The following PCDH15 variants were observed in gnomAD, a reference collection of about 807,000 sequenced individuals.
The protein encoded by PCDH15 is protocadherin related 15.
A neutral mutation model predicts 178.5 loss-of-function variants in PCDH15; 129 were observed. The ratio of observed to expected loss-of-function variants is 0.72; its 90% CI spans 0.63 to 0.84. The LOEUF is 0.84. Ranked by LOEUF, PCDH15 falls within the 40% of genes least tolerant of loss-of-function variation. PCDH15 has a pLI of 0.00. For missense variants in PCDH15, 2,230 were observed against 2,099.9 expected, an observed-to-expected ratio of 1.06 and a Z score of -1.21; for synonymous variants, 800 against 732.0, an observed-to-expected ratio of 1.09 and a Z score of -1.50.
intron 8 of PCDH15, among the ~76,000 whole-genome samples, chr10:54,247,844 G>A (rs1031079763): frequency 1.3e-5 from 2 of 148,546 alleles, no homozygotes; most frequent in African/African-American, 5.0e-5. Context: ...CTCCAGCCTG[G>A]GTGACAGAGC....
intron 15 of PCDH15, among the ~76,000 whole-genome samples, chr10:54,099,513 A>AAAAAATATAT (rs1347306483): frequency 3.1e-4 from 37 of 117,886 alleles, no homozygotes; most frequent in African/African-American, 5.7e-4. Flanking sequence ...AAAAAAAAAA[A>AAAAAATATAT]ATATATATAT....
Position 54,153,235 on chromosome 10 carries a change from A to G in PCDH15, c.1649T>C (p.Val550Ala). 3 of 1,613,862 alleles carry G rather than the reference A, an allele frequency of 1.9e-6. No homozygotes were observed. The highest frequency in any genetic ancestry group is 1.7e-5 in the Admixed American group (1 of 59,984). The change falls in exon 14 of 38, where the codon GTT (valine) becomes GCT (alanine). Residue 550 changes from valine to alanine, a missense_variant. Coordinates refer to ENST00000644397, the MANE Select transcript of PCDH15 (RefSeq NM_001384140.1). ...SNGEITYEIL[V>A]GAQGDFIINK... ...GATGATGAAGTCTCCCTGAGCCCCA[A>G]CAAGGATTTCATATGTGATCTCCCC...
At chr10:54,605,732 T>G (rs1424311102) in intron 2 of PCDH15, 3 of 152,122 alleles carry the variant, frequency 2.0e-5, no homozygotes, top group African/African-American at 7.2e-5. Context: ...TGAACTGAGC[T>G]GGGGAAAAGA....
At chr10:54,851,046 T>C (rs552774361) in intron 3 of PCDH15, among the ~76,000 whole-genome samples, 32 of 152,322 alleles carry the variant, frequency 2.1e-4, no homozygotes, top group Non-Finnish European at 4.3e-4. Flanking sequence ...TTAGTTTATA[T>C]GCTGATCATA....
chr10:55,054,411 T>G (rs539459328), intron 2 of PCDH15, among the ~76,000 whole-genome samples: 1 of 152,312 alleles, frequency 6.6e-6, no homozygotes, highest in African/African-American at 2.4e-5. Flanking sequence ...CCATATTTTC[T>G]TTTTTGAATC....
intron 2 of PCDH15, among the ~76,000 whole-genome samples, chr10:55,099,377 T>G (rs981966425): frequency 6.6e-6 from 1 of 152,062 alleles, no homozygotes; most frequent in African/African-American, 2.4e-5. Context: ...TTGACTATCA[T>G]AAGCTGCTAC....
chr10:53,822,052 GT>G, intron 32 of PCDH15: 1 of 1,614,014 alleles, frequency 6.2e-7, no homozygotes, highest in Non-Finnish European at 8.5e-7. Flanking sequence ...GATTTTTCAA[GT>G]TCTGCTAAGT....
At chr10:54,529,925 C>T (rs2083739828) in intron 2 of PCDH15, among the ~76,000 whole-genome samples, 1 of 152,020 alleles carries the variant, frequency 6.6e-6, no homozygotes, top group African/African-American at 2.4e-5. Flanking sequence ...TATACACACA[C>T]TCATGTCACT....
At chr10:54,249,819 A>G (rs1002259984) in intron 8 of PCDH15, among the ~76,000 whole-genome samples, 15 of 152,132 alleles carry the variant, frequency 9.9e-5, no homozygotes. Context: ...AAGACTTAAT[A>G]CTCACCAAAT....
chr10:55,416,407 T>C (rs1473912943), intron 2 of PCDH15, among the ~76,000 whole-genome samples: 1 of 151,790 alleles, frequency 6.6e-6, no homozygotes, highest in Non-Finnish European at 1.5e-5. Context: ...AATGAAAGTG[T>C]TTTCATTTTT....
At chr10:54,436,030 AG>A (rs1554969673) in intron 3 of PCDH15, among the ~76,000 whole-genome samples, 230 of 17,552 alleles carry the variant, frequency 0.013, 2 homozygotes, top group Non-Finnish European at 0.024. Flanking sequence ...AGGAGAGGAG[AG>A]GAGAGAGAGA....
upstream of PCDH15, among the ~76,000 whole-genome samples, chr10:55,322,761 A>T (rs1843931151): frequency 6.6e-6 from 1 of 150,384 alleles, no homozygotes; most frequent in Admixed American, 6.6e-5. Context: ...GAGCATAAAG[A>T]ATTGGAAAAT....
At chr10:55,176,614 G>A (rs948073720) in intron 1 of PCDH15, among the ~76,000 whole-genome samples, 10 of 152,114 alleles carry the variant, frequency 6.6e-5, no homozygotes, top group Non-Finnish European at 1.0e-4. Context: ...GTAATGCCCT[G>A]ATATTGAGGG....
chr10:54,280,809 T>G (rs534382830), intron 8 of PCDH15, among the ~76,000 whole-genome samples: 1 of 151,950 alleles, frequency 6.6e-6, no homozygotes, highest in African/African-American at 2.4e-5. Context: ...ATTTCTCGAC[T>G]TTTGCTGGCC....
At chr10:54,039,389 A>G (rs74135767) in intron 18 of PCDH15, among the ~76,000 whole-genome samples, 18,197 of 151,830 alleles carry the variant, frequency 0.12, 2,195 homozygotes, top group African/African-American at 0.3. Context: ...ATATCACACA[A>G]ATACACACTT....
chr10:53,982,550 T>C (rs1389587093), intron 21 of PCDH15, among the ~76,000 whole-genome samples: 1 of 151,412 alleles, frequency 6.6e-6, no homozygotes, highest in African/African-American at 2.4e-5. Flanking sequence ...AACCATCATT[T>C]TCAGCAAACT....
Position 54,195,415 on chromosome 10 carries a change from T to G in PCDH15, c.1305+268A>C, listed in dbSNP as rs7893350. Among the ~76,000 whole-genome samples the G allele has an allele frequency of 0.23, 35,087 of 152,052 alleles. 6,069 individuals are homozygous for G. The highest frequency in any genetic ancestry group is 0.49 in the African/African-American group (20,259 of 41,414). On this transcript the variant is annotated intron_variant, in intron 11 of 37. Coordinates refer to ENST00000644397, the MANE Select transcript of PCDH15 (RefSeq NM_001384140.1). ...TTCTCAACATATGTTAATAAAAATATTGCCCTCGTCATTAAATAAACATCA... is the reference window on the plus strand; with the variant it reads ...TTCTCAACATATGTTAATAAAAATAGTGCCCTCGTCATTAAATAAACATCA...
intron 2 of PCDH15, among the ~76,000 whole-genome samples, chr10:55,335,118 G>A (rs35591709): frequency 0.049 from 7,401 of 152,124 alleles, 209 homozygotes; most frequent in South Asian, 0.1. Flanking sequence ...TGCTGTTTAC[G>A]CTGATTCCCA....
At chr10:54,703,246 C>A (rs548220068) in intron 1 of PCDH15, among the ~76,000 whole-genome samples, 2 of 152,098 alleles carry the variant, frequency 1.3e-5, no homozygotes, top group African/African-American at 2.4e-5. Flanking sequence ...TAAGAGCCGT[C>A]TATGACAAAC....
Sources: gnomAD v4.1 joint callset for allele counts (sites outside exome capture counted in the v4.1 genomes callset) on GRCh38, gnomAD v4.1.1 for gene constraint, MANE v1.5 for transcripts, NCBI Gene and HGNC (gene_info 2026-07-23, HGNC 2026-07-21) for gene names.